RIMS3: variants seen among roughly 807,000 people sequenced by gnomAD.
The protein encoded by RIMS3 is regulating synaptic membrane exocytosis 3, also known as regulating synaptic membrane exocytosis protein 3.
In RIMS3, 15 loss-of-function variants were observed where a neutral mutation model predicts 29.2. The ratio of observed to expected loss-of-function variants is 0.51; its 90% CI spans 0.34 to 0.79. RIMS3 has a LOEUF of 0.79. Ranked by LOEUF, RIMS3 falls within the 30% of genes least tolerant of loss-of-function variation. The pLI, the probability that RIMS3 is intolerant of heterozygous loss-of-function variation, is 0.01. For synonymous variants in RIMS3, 161 were observed against 170.1 expected (o/e 0.95, Z 0.41); for missense variants, 342 against 421.4 (o/e 0.81, Z 1.65).
At chr1:40,667,851 C>T (rs1018769058), upstream of RIMS3, among the ~76,000 whole-genome samples, 4 of 152,166 alleles carry the variant, frequency 2.6e-5, no homozygotes, top group African/African-American at 7.2e-5. Context: ...ACTTCAGGCC[C>T]GGCACAGTGG....
intron 3 of RIMS3, among the ~76,000 whole-genome samples, chr1:40,637,775 G>A (rs1477935424): frequency 6.6e-6 from 1 of 152,142 alleles, no homozygotes; most frequent in East Asian, 1.9e-4. Context: ...AATCACATAT[G>A]TTGATGAAAA....
At chr1:40,679,442 A>T in the RIMS3 span, among the ~76,000 whole-genome samples, 10 of 152,350 alleles carry the variant, frequency 6.6e-5, no homozygotes, top group African/African-American at 2.4e-4. Flanking sequence ...TAGGCAAATG[A>T]CTAGTGCAAA....
At chr1:40,662,285 C>CGCCTCTACAATTCCCTACAGTTCTTCG (rs1642363575) in intron 1 of RIMS3, among the ~76,000 whole-genome samples, 1 of 152,160 alleles carries the variant, frequency 6.6e-6, no homozygotes, top group Non-Finnish European at 1.5e-5. Flanking sequence ...CACACAGTTC[C>CGCCTCTACAATTCCCTACAGTTCTTCG]CCTTCCTCAT....
At position 40,633,201 on chromosome 1, in the gene RIMS3, G is replaced by T; in HGVS notation, c.360-20C>A. The T allele has an allele frequency of 1.9e-6, 3 of 1,597,460 alleles. No homozygotes were observed. The highest frequency in any genetic ancestry group is 2.6e-6 in the Non-Finnish European group (3 of 1,165,318). ...ATGAACCTGCAGGAGGAGGCAGAGG[G>T]ACGCGTGAGGGGGTCAGGGCAACCT... On this transcript the variant is annotated intron_variant, in intron 4 of 7. Transcript: ENST00000372684.
At position 40,624,301 on chromosome 1, in the gene RIMS3, T is replaced by C. The variant is rs978424799; in HGVS notation, c.*2216A>G. On this transcript the variant is annotated 3_prime_UTR_variant, in exon 8 of 8. Transcript: ENST00000372684. ...ACCCTATCATCCCAAAGGTGTAGAG[T>C]ATTTTCGCAACACCCTGACAGTGAC... is the stretch of plus-strand genomic sequence containing the variant. 6.6e-6 allele frequency: 1 copy of C among 152,050 alleles called. No individual in the cohort carries two copies. The highest frequency in any genetic ancestry group is 2.4e-5 in the African/African-American group (1 of 41,376). 9.4% of individuals were successfully genotyped at this position (152,050 alleles called of 1,614,324 possible).
the RIMS3 span, among the ~76,000 whole-genome samples, chr1:40,677,252 G>A: frequency 6.6e-6 from 1 of 151,352 alleles, no homozygotes; most frequent in Non-Finnish European, 1.5e-5. Flanking sequence ...TGATCTGCCC[G>A]CCTCAGCCTC....
intron 7 of RIMS3, among the ~76,000 whole-genome samples, chr1:40,627,390 G>A (rs1189683170): frequency 6.6e-6 from 1 of 151,626 alleles, no homozygotes; most frequent in Non-Finnish European, 1.5e-5. Flanking sequence ...CACCACACCC[G>A]GCTAATTTTT....
At chr1:40,657,999 T>C (rs1451831466) in intron 1 of RIMS3, among the ~76,000 whole-genome samples, 1 of 152,142 alleles carries the variant, frequency 6.6e-6, no homozygotes, top group Non-Finnish European at 1.5e-5. Context: ...TTAAATGAAA[T>C]GTGTGAACAC....
chr1:40,648,831 A>G (rs1646611844), intron 1 of RIMS3, among the ~76,000 whole-genome samples: 1 of 152,168 alleles, frequency 6.6e-6, no homozygotes, highest in African/African-American at 2.4e-5. Flanking sequence ...AAGCTGTGCC[A>G]GCATCTCAGC....
the RIMS3 span, among the ~76,000 whole-genome samples, chr1:40,675,272 T>G: frequency 7.0e-6 from 1 of 143,814 alleles, no homozygotes; most frequent in South Asian, 2.2e-4. Context: ...AGACCCTGTC[T>G]CAGGAAAAAA....
rs763912257 is a variant in RIMS3, at chr1:40,635,901, C to T, written c.359+15G>A. On this transcript the variant is annotated intron_variant, in intron 4 of 7. Coordinates refer to ENST00000372684, the MANE Select transcript of RIMS3 (RefSeq NM_014747.3). This position sits in a 1 kb window ranked among gnomAD's most constrained non-coding sequence, Gnocchi z 4.1. Reference sequence around the variant, plus strand: ...GAGGAGGAGGGAGGGGACCACAGCACGGGGCTGCACGCACGTGCCGTCGGA... The same window carrying T: ...GAGGAGGAGGGAGGGGACCACAGCATGGGGCTGCACGCACGTGCCGTCGGA... 1.4e-5 allele frequency: 23 copies of T among 1,611,706 alleles called. No individual in the cohort carries two copies. The highest frequency in any genetic ancestry group is 4.0e-5 in the African/African-American group (3 of 74,898).
At chr1:40,645,007 G>A (rs934504788) in intron 2 of RIMS3, among the ~76,000 whole-genome samples, 9 of 152,212 alleles carry the variant, frequency 5.9e-5, no homozygotes, top group African/African-American at 1.9e-4. Flanking sequence ...CTGCCAGCCT[G>A]GCAAAGTATA....
intron 1 of RIMS3, among the ~76,000 whole-genome samples, chr1:40,661,632 A>G (rs1642353491): frequency 1.3e-5 from 2 of 152,248 alleles, no homozygotes. Flanking sequence ...ACAACAGAGT[A>G]AAAATGCCAA....
rs1646428426 is a variant in RIMS3 at position 40,622,565 on chromosome 1, C to G, written c.*3952G>C. On this transcript the variant is annotated 3_prime_UTR_variant, in exon 8 of 8. Transcript: ENST00000372684. Reference sequence around the variant, plus strand: ...AGAAAGGTAGGAGGAGGCAGGGAAGCAGGGCTCTTCTTTTCCATCTCCCTG... The same window carrying G: ...AGAAAGGTAGGAGGAGGCAGGGAAGGAGGGCTCTTCTTTTCCATCTCCCTG... 6.6e-6 allele frequency: 1 copy of G among 152,398 alleles called. No individual in the cohort carries two copies. The highest frequency in any genetic ancestry group is 6.5e-5 in the Admixed American group (1 of 15,274). The allele number at this position is 152,398 out of a possible 1,614,324, so 9.4% of individuals were successfully genotyped here. A position where few individuals can be genotyped will look rare whatever the true frequency, so the allele number is the denominator to read the frequency against.
chr1:40,649,393 T>A (rs1301046001), intron 1 of RIMS3, among the ~76,000 whole-genome samples: 1 of 152,062 alleles, frequency 6.6e-6, no homozygotes, highest in East Asian at 1.9e-4. Context: ...CAGACTCACA[T>A]GTGTACACAC....
At chr1:40,649,502 C>A (rs1023459412) in intron 1 of RIMS3, among the ~76,000 whole-genome samples, 2 of 152,244 alleles carry the variant, frequency 1.3e-5, no homozygotes, top group African/African-American at 4.8e-5. Context: ...CAGGAAGCAT[C>A]TTACCCTGAG....
the RIMS3 span, chr1:40,691,639 C>T: frequency 4.7e-6 from 2 of 429,706 alleles, no homozygotes; most frequent in Admixed American, 5.0e-5. Context: ...AGCACAGCTT[C>T]TGCGCACCGC....
At chr1:40,669,871 T>C (rs1279350104), upstream of RIMS3, among the ~76,000 whole-genome samples, 1 of 152,226 alleles carries the variant, frequency 6.6e-6, no homozygotes, top group Non-Finnish European at 1.5e-5. Flanking sequence ...CTCACCCCAG[T>C]TCAAGGTGCT....
intron 1 of RIMS3, among the ~76,000 whole-genome samples, chr1:40,648,048 G>A (rs1454682582): frequency 6.6e-6 from 1 of 152,188 alleles, no homozygotes; most frequent in East Asian, 1.9e-4. Context: ...GTACTTGGAT[G>A]TCAAGCTGCT....
Sources: allele counts gnomAD v4.1 joint callset (sites outside exome capture counted in the v4.1 genomes callset), GRCh38; gene constraint gnomAD v4.1.1; non-coding constraint Gnocchi (gnomAD v3.1); transcripts MANE v1.5; gene names NCBI Gene and HGNC (gene_info 2026-07-23, HGNC 2026-07-21).